NEK10: variants seen among roughly 807,000 people sequenced by gnomAD.
The protein encoded by NEK10 is NIMA related kinase 10.
NEK10 carries 122 observed loss-of-function variants against 159.8 expected under a neutral mutation model. That is an observed-to-expected ratio of 0.76 (90% CI 0.66 to 0.89). The LOEUF (loss-of-function observed/expected upper bound fraction) is 0.89, where lower values mean the gene tolerates loss of function less well. NEK10 is among the 40% of genes least tolerant of loss of function. The pLI is 0.00. For synonymous variants in NEK10, 466 were observed against 457.1 expected, an observed-to-expected ratio of 1.02 and a Z score of -0.25; for missense variants, 1,342 against 1,323.1, an observed-to-expected ratio of 1.01 and a Z score of -0.22.
intron 22 of NEK10, among the ~76,000 whole-genome samples, chr3:27,259,479 C>A (rs1481043418): frequency 3.3e-5 from 5 of 152,186 alleles, no homozygotes; most frequent in African/African-American, 9.7e-5. Context: ...ATAGGGAATC[C>A]TTTCCCCATT....
intron 9 of NEK10, chr3:27,310,566 C>T (rs2044610859): frequency 6.3e-6 from 1 of 157,606 alleles, no homozygotes; most frequent in African/African-American, 2.4e-5. Context: ...CTAATATAGC[C>T]CCACATGCCA....
intron 4 of NEK10, among the ~76,000 whole-genome samples, chr3:27,345,010 C>G (rs1223657955): frequency 6.6e-6 from 1 of 152,130 alleles, no homozygotes; most frequent in Non-Finnish European, 1.5e-5. Context: ...AAAAATACCT[C>G]TAAAACATTC....
intron 23 of NEK10, among the ~76,000 whole-genome samples, chr3:27,232,834 G>C (rs1387691403): frequency 6.6e-6 from 1 of 151,980 alleles, no homozygotes; most frequent in African/African-American, 2.4e-5. Flanking sequence ...TTCAATAAAC[G>C]GTTCTGAGAT....
intron 35 of NEK10, 33 bp downstream of exon 35, chr3:27,115,907 C>T (rs1460166127): frequency 3.3e-6 from 5 of 1,517,514 alleles, no homozygotes; most frequent in Non-Finnish European, 3.6e-6. Context: ...CTCAATTCAT[C>T]TTTCACAATT....
chr3:27,122,960 C>T (rs1196198090), intron 32 of NEK10, among the ~76,000 whole-genome samples: 4 of 152,260 alleles, frequency 2.6e-5, no homozygotes, highest in African/African-American at 7.2e-5. Flanking sequence ...GAGATCGGCA[C>T]ACGGATGAAG....
At chr3:27,205,229 CATT>C (rs1950436321) in intron 23 of NEK10, among the ~76,000 whole-genome samples, 1 of 149,914 alleles carries the variant, frequency 6.7e-6, no homozygotes, top group Admixed American at 6.7e-5. Flanking sequence ...AATGGATAAA[CATT>C]CCATGCTCAT....
At chr3:27,277,116 C>A (rs1441419370) in intron 22 of NEK10, among the ~76,000 whole-genome samples, 1 of 152,118 alleles carries the variant, frequency 6.6e-6, no homozygotes, top group East Asian at 1.9e-4. Context: ...CAAGCAGCCA[C>A]CTTGCCTCCC....
intron 5 of NEK10, among the ~76,000 whole-genome samples, chr3:27,336,943 C>T (rs905964109): frequency 6.6e-6 from 1 of 152,004 alleles, no homozygotes; most frequent in East Asian, 1.9e-4. Context: ...AGGCTGTCTA[C>T]CTGCACCACT....
intron 7 of NEK10, among the ~76,000 whole-genome samples, chr3:27,313,865 C>T (rs1372129539): frequency 2.0e-5 from 3 of 152,098 alleles, no homozygotes; most frequent in East Asian, 3.9e-4. Flanking sequence ...GCACCTGGCA[C>T]CATGCCTGGC....
chr3:27,134,237 T>G (rs567980805), intron 31 of NEK10, among the ~76,000 whole-genome samples: 2 of 152,116 alleles, frequency 1.3e-5, no homozygotes, highest in Non-Finnish European at 2.9e-5. Context: ...GTGAGGAGCA[T>G]GTGCATGTAT....
chr3:27,208,490 G>A (rs1283697124), intron 23 of NEK10, among the ~76,000 whole-genome samples: 3 of 152,178 alleles, frequency 2.0e-5, no homozygotes, highest in African/African-American at 7.2e-5. Context: ...TAAAGGGATT[G>A]AGCCAGAAAA....
chr3:27,185,708 C>T (rs1948551660), intron 26 of NEK10, among the ~76,000 whole-genome samples: 1 of 152,164 alleles, frequency 6.6e-6, no homozygotes, highest in South Asian at 2.1e-4. Context: ...ATGTATATGA[C>T]ATATCAGCAT....
intron 23 of NEK10, among the ~76,000 whole-genome samples, chr3:27,226,730 AT>A (rs1468667579): frequency 5.3e-5 from 8 of 152,228 alleles, no homozygotes; most frequent in Admixed American, 5.2e-4. Context: ...AGATGATAAG[AT>A]TTTTATTCTT....
intron 23 of NEK10, among the ~76,000 whole-genome samples, chr3:27,209,662 G>C (rs1310907130): frequency 6.6e-6 from 1 of 152,186 alleles, no homozygotes; most frequent in Non-Finnish European, 1.5e-5. Context: ...GAAGCCATCA[G>C]AATAGCCTCC....
chr3:27,159,879 T>A (rs760344167), intron 30 of NEK10, among the ~76,000 whole-genome samples: 1 of 151,384 alleles, frequency 6.6e-6, no homozygotes, highest in Non-Finnish European at 1.5e-5. Context: ...AAATAATGGT[T>A]CCAACCCTGT....
chr3:27,148,225 T>A (rs1944495836), intron 30 of NEK10, among the ~76,000 whole-genome samples: 1 of 152,174 alleles, frequency 6.6e-6, no homozygotes, highest in Non-Finnish European at 1.5e-5. Flanking sequence ...ATAGAATGGT[T>A]TGGACACAGC....
intron 32 of NEK10, among the ~76,000 whole-genome samples, chr3:27,130,878 A>C (rs1338990673): frequency 6.6e-6 from 1 of 152,210 alleles, no homozygotes; most frequent in East Asian, 1.9e-4. Context: ...AACCCAGGAA[A>C]GAAACCTTGC....
chr3:27,332,030 C>T (rs1201979644), intron 5 of NEK10, among the ~76,000 whole-genome samples: 1 of 152,150 alleles, frequency 6.6e-6, no homozygotes, highest in African/African-American at 2.4e-5. Context: ...AGTTTACCTA[C>T]ACAAAAGTTA....
chr3:27,219,767 G>T (rs1951904131), intron 23 of NEK10, among the ~76,000 whole-genome samples: 1 of 152,142 alleles, frequency 6.6e-6, no homozygotes, highest in African/African-American at 2.4e-5. Flanking sequence ...CTCCAGATGG[G>T]AAGGAAAGAA....
Sources: gnomAD v4.1 joint callset for allele counts (sites outside exome capture counted in the v4.1 genomes callset) on GRCh38, gnomAD v4.1.1 for gene constraint, MANE v1.5 for transcripts, NCBI Gene and HGNC (gene_info 2026-07-23, HGNC 2026-07-21) for gene names.